The following LANCL1 variants were observed in gnomAD, a reference collection of about 807,000 sequenced individuals.
LANCL1 encodes LanC like glutathione S-transferase 1.
Under a neutral mutation model 50.6 loss-of-function variants are expected in LANCL1, and 50 were observed. That is an observed-to-expected ratio of 0.99 (90% CI 0.79 to 1.25). The LOEUF (loss-of-function observed/expected upper bound fraction) is 1.25. LANCL1 is among the 50% of genes most tolerant of loss of function. LANCL1 has a pLI of 0.00. For missense variants in LANCL1, 532 were observed against 480.7 expected (o/e 1.11, Z -1.00); for synonymous variants, 188 against 178.6 (o/e 1.05, Z -0.42).
At chr2:210,456,307 A>G (rs187188235) in intron 3 of LANCL1, among the ~76,000 whole-genome samples, 340 of 152,326 alleles carry the variant, frequency 2.2e-3, no homozygotes, top group African/African-American at 7.8e-3. Context: ...CAATGCAGTA[A>G]AAATGCTGTC....
At chr2:210,461,269 T>C (rs1192933854) in intron 3 of LANCL1, among the ~76,000 whole-genome samples, 1 of 152,056 alleles carries the variant, frequency 6.6e-6, no homozygotes, top group East Asian at 1.9e-4. Context: ...CGTAAATCCA[T>C]GCCCATAGCT....
In LANCL1 at chr2:210,434,508, C is replaced by T; in HGVS notation, c.1179G>A (p.Arg393=). 9 of 1,613,026 alleles carry T rather than the reference C, an allele frequency of 5.6e-6. No individual in the cohort carries two copies. Among genetic ancestry groups the T allele is most frequent in the Non-Finnish European group, 6.8e-6 (8 of 1,179,490 alleles). ...LADLLVPTKA[R]FPAFEL ...CCTTTCAGAGTTCAAATGCAGGGAACCTGGCTTTTGTGGGGACTAGCAGGT... is the reference window on the plus strand; with the variant it reads ...CCTTTCAGAGTTCAAATGCAGGGAATCTGGCTTTTGTGGGGACTAGCAGGT... The change falls in exon 10 of 10, where the codon AGG becomes AGA. Residue 393 remains arginine, a synonymous_variant. Transcript: ENST00000450366.
At chr2:210,457,359 A>G (rs1693703086) in intron 3 of LANCL1, among the ~76,000 whole-genome samples, 4 of 152,146 alleles carry the variant, frequency 2.6e-5, no homozygotes, top group Admixed American at 1.3e-4. Flanking sequence ...AAAAGGGAGG[A>G]CTGCTTGTGG....
At chr2:210,467,366 C>A (rs1218681759) in intron 3 of LANCL1, among the ~76,000 whole-genome samples, 3 of 152,182 alleles carry the variant, frequency 2.0e-5, no homozygotes, top group Non-Finnish European at 4.4e-5. Flanking sequence ...CCCTTCACTT[C>A]TTCTGCCTCT....
At chr2:210,456,342 A>G (rs1171347487) in intron 3 of LANCL1, among the ~76,000 whole-genome samples, 1 of 152,206 alleles carries the variant, frequency 6.6e-6, no homozygotes, top group Non-Finnish European at 1.5e-5. Context: ...CCCTGTACTG[A>G]GGACAATTTT....
chr2:210,443,728 C>A (rs928095156), intron 4 of LANCL1, among the ~76,000 whole-genome samples: 5 of 152,182 alleles, frequency 3.3e-5, no homozygotes, highest in African/African-American at 4.8e-5. Flanking sequence ...GTCCCTCCAA[C>A]CCCCGCCCCA....
At position 210,476,430 on chromosome 2, in the gene LANCL1, A is replaced by G; in HGVS notation, c.-16-18T>C. On this transcript the variant is annotated intron_variant, in intron 1 of 9. Transcript: ENST00000450366. ...AAGCAAGCCTGCAGAACAGGGGAAA[A>G]ACAGAAACTAGGTTGAGATAGGGGC... is the stretch of plus-strand genomic sequence containing the variant. 6.2e-7 allele frequency: 1 copy of G among 1,608,618 alleles called. No homozygotes were observed. Among genetic ancestry groups the G allele is most frequent in the South Asian group, 1.1e-5 (1 of 90,412 alleles).
chr2:210,439,027 G>A (rs954148089), intron 6 of LANCL1, among the ~76,000 whole-genome samples: 26 of 152,158 alleles, frequency 1.7e-4, no homozygotes, highest in African/African-American at 5.8e-4. Flanking sequence ...GATTCTGAAA[G>A]TGGACTGAGT....
chr2:210,442,464 G>C (rs937018211), intron 4 of LANCL1: 9 of 152,208 alleles, frequency 5.9e-5, no homozygotes, highest in African/African-American at 2.2e-4. Flanking sequence ...GAACCCCACT[G>C]AATTATAGTT....
At chr2:210,463,739 G>A (rs897510926) in intron 3 of LANCL1, among the ~76,000 whole-genome samples, 1 of 152,136 alleles carries the variant, frequency 6.6e-6, no homozygotes, top group Non-Finnish European at 1.5e-5. Context: ...GAGACCAGAG[G>A]GATTTATGGT....
At chr2:210,460,416 C>G (rs1559717502) in intron 3 of LANCL1, 1 of 152,170 alleles carries the variant, frequency 6.6e-6, no homozygotes, top group South Asian at 2.1e-4. Context: ...AGTTCAAATA[C>G]ATTTTTCCCT....
At chr2:210,461,034 C>G (rs1367415505) in intron 3 of LANCL1, among the ~76,000 whole-genome samples, 1 of 152,136 alleles carries the variant, frequency 6.6e-6, no homozygotes, top group East Asian at 1.9e-4. Flanking sequence ...GGGCACTGTG[C>G]TAAGTGTTGA....
In LANCL1 at chr2:210,440,596, A is replaced by C. The variant is rs1574415532; in HGVS notation, c.690+2T>G. On this transcript the variant is annotated splice_donor_variant, in intron 6 of 9. Coordinates refer to ENST00000450366, the MANE Select transcript of LANCL1 (RefSeq NM_006055.3). LOFTEE classifies it high-confidence loss of function. ...TAAAATTTCACCATAATCACTCCTT[A>C]CCTGCATCAGGTAGTAATAAATTCC... 6.2e-7 allele frequency: 1 copy of C among 1,611,626 alleles called. No individual in the cohort carries two copies. Among genetic ancestry groups the C allele is most frequent in the Non-Finnish European group, 8.5e-7 (1 of 1,179,190 alleles).
intron 3 of LANCL1, among the ~76,000 whole-genome samples, chr2:210,459,737 A>AAAACAAACAAACAAAC (rs34702156): frequency 1.7e-4 from 25 of 150,396 alleles, no homozygotes; most frequent in East Asian, 3.9e-4. Flanking sequence ...ATAACTATTA[A>AAAACAAACAAACAAAC]AAACAAACAA....
In LANCL1 at chr2:210,432,947, A is replaced by C. The variant is rs1692796477; in HGVS notation, c.*1540T>G. 6.6e-6 allele frequency: 1 copy of C among 152,634 alleles called. No homozygotes were observed. The highest frequency in any genetic ancestry group is 2.4e-5 in the African/African-American group (1 of 41,452). 9.5% of individuals were successfully genotyped at this position (152,634 alleles called of 1,614,324 possible). The stretch of plus-strand genomic sequence containing the variant: ...AATCCTACTGCCAGTGGCCTTTAAA[A>C]GGTCAGTTTCCAATAATATTAGCTC... On this transcript the variant is annotated 3_prime_UTR_variant, in exon 10 of 10. Transcript: ENST00000450366.
At chr2:210,467,215 A>G (rs1168310122) in intron 3 of LANCL1, among the ~76,000 whole-genome samples, 1 of 152,260 alleles carries the variant, frequency 6.6e-6, no homozygotes, top group Non-Finnish European at 1.5e-5. Context: ...ATGGGCACTG[A>G]CACTAAAGCA....
intron 3 of LANCL1, among the ~76,000 whole-genome samples, chr2:210,464,695 G>A (rs796265348): frequency 3.3e-4 from 48 of 147,098 alleles, no homozygotes; most frequent in African/African-American, 1.1e-3. Flanking sequence ...GGCCGGGCGC[G>A]GTGGCTCACG....
intron 2 of LANCL1, among the ~76,000 whole-genome samples, chr2:210,474,558 A>T (rs959868503): frequency 6.7e-6 from 1 of 150,204 alleles, no homozygotes; most frequent in Non-Finnish European, 1.5e-5. Flanking sequence ...TCTACTAAAA[A>T]TACAAAAAAA....
intron 4 of LANCL1, among the ~76,000 whole-genome samples, chr2:210,445,964 G>A (rs1224616628): frequency 6.6e-6 from 1 of 152,222 alleles, no homozygotes; most frequent in Non-Finnish European, 1.5e-5. Context: ...CCCCAGTCAG[G>A]GAATTACAGA....
Sources: allele counts gnomAD v4.1 joint callset (sites outside exome capture counted in the v4.1 genomes callset), GRCh38; gene constraint gnomAD v4.1.1; transcripts MANE v1.5; gene names NCBI Gene and HGNC (gene_info 2026-07-23, HGNC 2026-07-21).